Variants in CAST observed in about 807,000 individuals in gnomAD.
CAST encodes calpastatin.
CAST carries 76 observed loss-of-function variants against 119.6 expected under a neutral mutation model. The ratio of observed to expected loss-of-function variants is 0.64; its 90% CI spans 0.53 to 0.77. The LOEUF is 0.77. CAST is among the 30% of genes least tolerant of loss of function. The probability of loss-of-function intolerance (pLI) is 0.00; values close to 1 mark genes in which losing one functional copy is unlikely to be tolerated. For missense variants in CAST, 953 were observed against 946.5 expected, an observed-to-expected ratio of 1.01 and a Z score of -0.09; for synonymous variants, 319 against 331.6, an observed-to-expected ratio of 0.96 and a Z score of 0.41.
chr5:96,708,100 A>G (rs1664965846), intron 3 of CAST, among the ~76,000 whole-genome samples: 1 of 152,256 alleles, frequency 6.6e-6, no homozygotes, highest in South Asian at 2.1e-4. Flanking sequence ...ACTATGGCTA[A>G]TAATCATCAG....
the CAST span, among the ~76,000 whole-genome samples, chr5:96,049,397 G>A: frequency 6.6e-6 from 1 of 152,176 alleles, no homozygotes; most frequent in Non-Finnish European, 1.5e-5. Flanking sequence ...TAGTACTCAA[G>A]TAAATATAGT....
At chr5:96,267,551 A>T in the CAST span, among the ~76,000 whole-genome samples, 1 of 152,202 alleles carries the variant, frequency 6.6e-6, no homozygotes, top group Non-Finnish European at 1.5e-5. Flanking sequence ...AAAGTCTGCC[A>T]TCTAAGAGTA....
chr5:96,139,113 C>T, the CAST span, among the ~76,000 whole-genome samples: 90 of 152,044 alleles, frequency 5.9e-4, 1 homozygote, highest in East Asian at 7.9e-3. Flanking sequence ...TCCTGGTTTG[C>T]TGTATGTCAT....
chr5:96,216,311 C>A, the CAST span, among the ~76,000 whole-genome samples: 1 of 152,122 alleles, frequency 6.6e-6, no homozygotes, highest in Non-Finnish European at 1.5e-5. Context: ...GCTCCCCTAA[C>A]CCCCACATTG....
chr5:96,172,155 G>T, the CAST span, among the ~76,000 whole-genome samples: 11 of 152,244 alleles, frequency 7.2e-5, no homozygotes, highest in Non-Finnish European at 1.5e-4. Context: ...GTTGTTCTCT[G>T]GCTGGCAGGG....
At chr5:96,310,787 G>T in the CAST span, among the ~76,000 whole-genome samples, 1 of 145,170 alleles carries the variant, frequency 6.9e-6, no homozygotes. Flanking sequence ...TTCATTTCTG[G>T]TTTTGTTTAT....
the CAST span, among the ~76,000 whole-genome samples, chr5:96,389,809 C>T: frequency 2.0e-5 from 3 of 152,212 alleles, no homozygotes; most frequent in South Asian, 6.2e-4. Context: ...GCGGTGCACA[C>T]CTGTAGTCCC....
At chr5:96,427,723 G>C in the CAST span, among the ~76,000 whole-genome samples, 1 of 152,186 alleles carries the variant, frequency 6.6e-6, no homozygotes, top group Non-Finnish European at 1.5e-5. Flanking sequence ...TCCTATGAAA[G>C]TGAGAAGGCA....
the CAST span, among the ~76,000 whole-genome samples, chr5:96,251,938 G>C: frequency 6.6e-6 from 1 of 152,200 alleles, no homozygotes; most frequent in South Asian, 2.1e-4. Flanking sequence ...CAATCTTTAC[G>C]TTCAGTTAGA....
intron 4 of CAST, 24 bp from the exon 5 acceptor site, chr5:96,726,770 C>T: frequency 1.3e-6 from 2 of 1,543,456 alleles, no homozygotes; most frequent in Non-Finnish European, 1.8e-6. Flanking sequence ...TAAAATTATA[C>T]CTGGGGCTGT....
At chr5:96,048,355 G>A in the CAST span, among the ~76,000 whole-genome samples, 2 of 152,186 alleles carry the variant, frequency 1.3e-5, no homozygotes, top group Non-Finnish European at 2.9e-5. Context: ...GATGAGAAGA[G>A]TGATGCCAGA....
At chr5:96,441,683 G>T in the CAST span, among the ~76,000 whole-genome samples, 1 of 152,168 alleles carries the variant, frequency 6.6e-6, no homozygotes, top group African/African-American at 2.4e-5. Context: ...AAAGTATAAA[G>T]TATGTAGAAA....
chr5:96,313,870 AT>A, the CAST span, among the ~76,000 whole-genome samples: 1 of 152,152 alleles, frequency 6.6e-6, no homozygotes, highest in Non-Finnish European at 1.5e-5. Flanking sequence ...GGTTTATAAA[AT>A]CAGTTATGAA....
At chr5:96,501,476 G>T in the CAST span, among the ~76,000 whole-genome samples, 1 of 152,170 alleles carries the variant, frequency 6.6e-6, no homozygotes, top group Non-Finnish European at 1.5e-5. Context: ...ACTAGGGATA[G>T]AAATGGTAAC....
the CAST span, among the ~76,000 whole-genome samples, chr5:96,039,119 C>G: frequency 7.2e-5 from 11 of 152,216 alleles, no homozygotes; most frequent in Admixed American, 6.5e-4. Context: ...TCTCTAATGA[C>G]CAGTGATGAT....
chr5:96,125,148 G>A, the CAST span, among the ~76,000 whole-genome samples: 9 of 152,164 alleles, frequency 5.9e-5, no homozygotes, highest in Non-Finnish European at 1.2e-4. Flanking sequence ...TTCTAAGCCT[G>A]TTATTTAGAA....
the CAST span, among the ~76,000 whole-genome samples, chr5:96,070,105 G>A: frequency 6.6e-6 from 1 of 152,088 alleles, no homozygotes; most frequent in African/African-American, 2.4e-5. Flanking sequence ...TTCTATTAAA[G>A]CCCTCAAATG....
the CAST span, among the ~76,000 whole-genome samples, chr5:96,452,926 C>T: frequency 1.9e-4 from 23 of 118,404 alleles, 1 homozygote; most frequent in Admixed American, 2.0e-3. Flanking sequence ...GTCCGCAGTC[C>T]GGCCTGGGCG....
the CAST span, among the ~76,000 whole-genome samples, chr5:96,122,405 C>A: frequency 6.6e-6 from 1 of 152,090 alleles, no homozygotes. Context: ...AACTCTGGAA[C>A]CAAAAGTTCC....
Sources: gnomAD v4.1 joint callset for allele counts (sites outside exome capture counted in the v4.1 genomes callset) on GRCh38, gnomAD v4.1.1 for gene constraint, MANE v1.5 for transcripts, NCBI Gene and HGNC (gene_info 2026-07-23, HGNC 2026-07-21) for gene names.